Variants in RPE observed in about 807,000 individuals in gnomAD.
The protein encoded by RPE is ribulose-5-phosphate-3-epimerase.
A neutral mutation model predicts 24.6 loss-of-function variants in RPE; 16 were observed. The ratio of observed to expected loss-of-function variants is 0.65; its 90% CI spans 0.44 to 0.99. The LOEUF is 0.99. Among genes scored for constraint, RPE ranks in the 50% least tolerant of loss-of-function variants. The pLI is 0.00. For missense variants in RPE, 240 were observed against 294.5 expected (o/e 0.81, Z 1.35); for synonymous variants, 93 against 98.4 (o/e 0.94, Z 0.33).
rs1256505809 is a variant in RPE, at chr2:210,016,649, A to C, written c.477+8A>C. ...GAAGATATGATGCCAAAGGTAAAAG[A>C]AGTATTTGATTTTGGGGTGAGGCTT... On this transcript the variant is annotated splice_region_variant and intron_variant, in intron 4 of 5. Coordinates refer to ENST00000359429, the MANE Select transcript of RPE (RefSeq NM_199229.3). 40 of 1,614,022 alleles carry C rather than the reference A, an allele frequency of 2.5e-5. No homozygotes were observed. Among genetic ancestry groups the C allele is most frequent in the Non-Finnish European group, 3.2e-5 (38 of 1,180,032 alleles).
intron 2 of RPE, 82 bp from the exon 3 acceptor site, chr2:210,015,891 G>A (rs948059094): frequency 1.3e-6 from 2 of 1,481,650 alleles, no homozygotes; most frequent in Non-Finnish European, 1.8e-6. Context: ...ATCAGAAGTG[G>A]CAAAAACTAC....
intron 1 of RPE, among the ~76,000 whole-genome samples, chr2:210,003,996 C>T (rs1439106655): frequency 6.6e-6 from 1 of 152,294 alleles, no homozygotes; most frequent in African/African-American, 2.4e-5. Flanking sequence ...TATTACCTCT[C>T]ACAAAGGTTG....
intron 3 of RPE, 105 bp downstream of exon 3, chr2:210,016,217 C>T (rs1222154648): frequency 6.2e-7 from 1 of 1,614,014 alleles, no homozygotes; most frequent in Non-Finnish European, 8.5e-7. Context: ...TGCTCTGTCA[C>T]CCAGGCTGAA....
chr2:210,015,998 A>T lies in RPE; in HGVS notation c.228A>T (p.Pro76=). The change falls in exon 3 of 6, where the codon CCA becomes CCT. Residue 76 remains proline (P), a synonymous_variant. Transcript: ENST00000359429. ...ACATGCACATGATGGTGTCCAAGCC[A>T]GAACAGTGGGTAAAGCCAATGGCTG... is the stretch of plus-strand genomic sequence containing the variant. ...FFDMHMMVSK[P]EQWVKPMAVA... 1 of 1,614,224 alleles carries T rather than the reference A, an allele frequency of 6.2e-7. No individual in the cohort carries two copies.
In RPE at chr2:210,002,795, G is replaced by C; in HGVS notation, c.122+12G>C. On this transcript the variant is annotated intron_variant, in intron 1 of 5. Coordinates refer to ENST00000359429, the MANE Select transcript of RPE (RefSeq NM_199229.3). ...GACGTAATGGACGGGTAACTCCTCC[G>C]GGCTCCGGTCGGGCTTGCCGCGCGG... 1.2e-6 allele frequency: 2 copies of C among 1,614,098 alleles called. No individual in the cohort carries two copies. The highest frequency in any genetic ancestry group is 1.7e-6 in the Non-Finnish European group (2 of 1,180,008).
chr2:210,003,006 T>TC (rs1356726151), intron 1 of RPE, among the ~76,000 whole-genome samples: 1 of 151,794 alleles, frequency 6.6e-6, no homozygotes, highest in Admixed American at 6.6e-5. Context: ...GTTCCTCCCC[T>TC]CCCCCCACGT....
intron 1 of RPE, among the ~76,000 whole-genome samples, chr2:210,006,016 A>G (rs1014904923): frequency 1.3e-5 from 2 of 152,210 alleles, no homozygotes; most frequent in Non-Finnish European, 2.9e-5. Context: ...GTATCCTTGT[A>G]TTACAAAAAA....
chr2:210,008,734 C>T (rs946459049), intron 1 of RPE, among the ~76,000 whole-genome samples: 3 of 151,082 alleles, frequency 2.0e-5, no homozygotes, highest in African/African-American at 7.3e-5. Context: ...CTCGCTTTGT[C>T]GCCCAGGCTG....
intron 2 of RPE, among the ~76,000 whole-genome samples, chr2:210,011,194 A>G (rs1029000157): frequency 1.1e-4 from 17 of 152,240 alleles, no homozygotes; most frequent in Admixed American, 9.2e-4. Context: ...TGAAATTTCC[A>G]TATAATGGGA....
At position 210,019,799 on chromosome 2, in the gene RPE, AGGAGCCCAGT is replaced by A; in HGVS notation, c.*10_*19del. 1 of 1,610,902 alleles carries A rather than the reference AGGAGCCCAGT, an allele frequency of 6.2e-7. No individual in the cohort carries two copies. Among genetic ancestry groups the A allele is most frequent in the Non-Finnish European group, 8.5e-7 (1 of 1,178,254 alleles). The stretch of plus-strand genomic sequence containing the variant: ...CGTTCTCTTGATCGGTGAAACCATA[AGGAGCCCAGT>A]GTTCCTGTTCATGAAATCTCCCTTT... On this transcript the variant is annotated 3_prime_UTR_variant, in exon 6 of 6. Coordinates refer to ENST00000359429, the MANE Select transcript of RPE (RefSeq NM_199229.3).
intron 5 of RPE, among the ~76,000 whole-genome samples, chr2:210,019,166 TA>T (rs897040878): frequency 9.8e-5 from 15 of 152,354 alleles, no homozygotes; most frequent in Admixed American, 8.5e-4. Flanking sequence ...CAATGAAGTA[TA>T]AAGAGACATT....
In RPE at chr2:210,015,986, G is replaced by A; in HGVS notation, c.216G>A (p.Met72Ile). Residue 72 changes from methionine to isoleucine, a missense_variant, in exon 3 of 6, where the codon ATG becomes ATA. By Grantham distance (10) the Met-to-Ile change is conservative. Coordinates refer to ENST00000359429, the MANE Select transcript of RPE (RefSeq NM_199229.3). ...GQDPFFDMHM[M>I]VSKPEQWVKP... Reference sequence around the variant, plus strand: ...TTTTCTTTCTAGACATGCACATGATGGTGTCCAAGCCAGAACAGTGGGTAA... The same window carrying A: ...TTTTCTTTCTAGACATGCACATGATAGTGTCCAAGCCAGAACAGTGGGTAA... 6.2e-7 allele frequency: 1 copy of A among 1,614,004 alleles called. No homozygotes were observed. The highest frequency in any genetic ancestry group is 1.1e-5 in the South Asian group (1 of 91,010).
At chr2:210,011,302 C>T (rs1418881842) in intron 2 of RPE, among the ~76,000 whole-genome samples, 1 of 152,108 alleles carries the variant, frequency 6.6e-6, no homozygotes, top group Admixed American at 6.5e-5. Flanking sequence ...TTCTCATGAC[C>T]ATGAGAGGTA....
In RPE at chr2:210,002,725, G is replaced by A. The variant is rs1427566279; in HGVS notation, c.64G>A (p.Glu22Lys). ...LNSDLANLGAECLRMLDSGAD... is the reference protein window; with the variant it reads ...LNSDLANLGAKCLRMLDSGAD... Reference sequence around the variant, plus strand: ...CAGCGACCTGGCCAATTTAGGGGCCGAGTGCCTCCGGATGCTAGACTCTGG... The same window carrying A: ...CAGCGACCTGGCCAATTTAGGGGCCAAGTGCCTCCGGATGCTAGACTCTGG... The change falls in exon 1 of 6, where the codon GAG becomes AAG. Residue 22 changes from glutamate to lysine, a missense_variant. By Grantham distance (56) the Glu-to-Lys change is moderately conservative. Coordinates refer to ENST00000359429, the MANE Select transcript of RPE (RefSeq NM_199229.3). The A allele has an allele frequency of 6.2e-7, 1 of 1,614,108 alleles. No homozygotes were observed. Among genetic ancestry groups the A allele is most frequent in the Non-Finnish European group, 8.5e-7 (1 of 1,180,046 alleles).
chr2:210,009,946 T>A (rs1427944402), intron 2 of RPE, among the ~76,000 whole-genome samples: 1 of 152,254 alleles, frequency 6.6e-6, no homozygotes, highest in East Asian at 1.9e-4. Flanking sequence ...CTTGGCTGGC[T>A]GCCTCATCTT....
In RPE at chr2:210,021,673, C is replaced by G. The variant is rs920319222; in HGVS notation, c.*1882C>G. ...TTAGTGTCAAATCTCACAGATAAGGCCAAATGGCCAATATTTTCAGTTATG... is the reference window on the plus strand; with the variant it reads ...TTAGTGTCAAATCTCACAGATAAGGGCAAATGGCCAATATTTTCAGTTATG... On this transcript the variant is annotated 3_prime_UTR_variant, in exon 6 of 6. Transcript: ENST00000359429. 2.0e-5 allele frequency: 3 copies of G among 152,404 alleles called. No individual in the cohort carries two copies. Among genetic ancestry groups the G allele is most frequent in the African/African-American group, 7.2e-5 (3 of 41,418 alleles). The allele number at this position is 152,404 out of a possible 1,614,324, so 9.4% of individuals were successfully genotyped here.
chr2:210,019,558 T>C (rs553769917), intron 5 of RPE, 111 bp from the exon 6 acceptor site: 4 of 1,316,386 alleles, frequency 3.0e-6, no homozygotes, highest in Non-Finnish European at 4.1e-6. Context: ...GTGGCTCTCA[T>C]ATGATTGAAA....
intron 2 of RPE, among the ~76,000 whole-genome samples, chr2:210,014,836 A>G (rs2093748686): frequency 6.6e-6 from 1 of 152,138 alleles, no homozygotes. Context: ...TAGCAAAATA[A>G]AAAACTTAAA....
At chr2:210,015,884 A>G in intron 2 of RPE, 89 bp from the exon 3 acceptor site, 1 of 1,400,082 alleles carries the variant, frequency 7.1e-7, no homozygotes, top group Non-Finnish European at 9.8e-7. Flanking sequence ...AGTTCTTATC[A>G]GAAGTGGCAA....
Sources: gnomAD v4.1 joint callset for allele counts (sites outside exome capture counted in the v4.1 genomes callset) on GRCh38, gnomAD v4.1.1 for gene constraint, MANE v1.5 for transcripts, NCBI Gene and HGNC (gene_info 2026-07-23, HGNC 2026-07-21) for gene names.